The following UGT2A1 variants were observed in gnomAD, a reference collection of about 807,000 sequenced individuals.
UGT2A1 encodes UDP-glucuronosyltransferase 2A1.
UGT2A1 carries 61 observed loss-of-function variants against 45.4 expected under a neutral mutation model. The ratio of observed to expected loss-of-function variants is 1.34; its 90% CI spans 1.09 to 1.66. The LOEUF (loss-of-function observed/expected upper bound fraction) is 1.66, where lower values mean the gene tolerates loss of function less well. Ranked by LOEUF, UGT2A1 falls within the 40% of genes most tolerant of loss-of-function variation. The pLI is 0.00. For synonymous variants in UGT2A1, 229 were observed against 196.2 expected (o/e 1.17, Z -1.40); for missense variants, 649 against 574.3 (o/e 1.13, Z -1.33).
Position 69,615,091 on chromosome 4 carries a change from A to C in UGT2A1, c.848-15697T>G, listed in dbSNP as rs556194731. Among the ~76,000 whole-genome samples, 103 of 152,086 alleles carry C rather than the reference A, an allele frequency of 6.8e-4. 1 individual carries two copies. Among genetic ancestry groups the C allele is most frequent in the African/African-American group, 2.2e-3 (92 of 41,516 alleles). On this transcript the variant is annotated intron_variant, in intron 3 of 6. Transcript: ENST00000286604. ...TCATGATCCAATCACCTTTCAACAG[A>C]TCCCTCCCCCAACATTTTGAATTAC...
At chr4:69,602,069 T>A (rs1455183827) in intron 3 of UGT2A1, among the ~76,000 whole-genome samples, 1 of 137,050 alleles carries the variant, frequency 7.3e-6, no homozygotes, top group Non-Finnish European at 1.6e-5. Context: ...AAAATGATTA[T>A]CTGACTAAAT....
rs1560463089 is a variant in UGT2A1, at chr4:69,589,321, C to T, written c.*51G>A. 4 of 1,516,440 alleles carry T rather than the reference C, an allele frequency of 2.6e-6. No individual in the cohort carries two copies. The highest frequency in any genetic ancestry group is 1.3e-5 in the South Asian group (1 of 75,642). 93.9% of individuals were successfully genotyped at this position (1,516,440 alleles called of 1,614,324 possible). A position where few individuals can be genotyped will look rare whatever the true frequency, so the allele number is the denominator to read the frequency against. On this transcript the variant is annotated 3_prime_UTR_variant, in exon 7 of 7. Coordinates refer to ENST00000286604, the MANE Select transcript of UGT2A1 (RefSeq NM_001252275.3). ...GTCTGGAATTAATAGGACTACACTACTCAGGATTTTGCCAAACTTAAAAAT... is the reference window on the plus strand; with the variant it reads ...GTCTGGAATTAATAGGACTACACTATTCAGGATTTTGCCAAACTTAAAAAT...
intron 2 of UGT2A1, chr4:69,639,360 G>A (rs1721919216): frequency 6.2e-7 from 1 of 1,613,524 alleles, no homozygotes; most frequent in African/African-American, 1.3e-5. Flanking sequence ...CTCAATTAAG[G>A]AATCTATATT....
At chr4:69,649,564 A>G (rs1442572723) in intron 1 of UGT2A1, among the ~76,000 whole-genome samples, 5 of 152,122 alleles carry the variant, frequency 3.3e-5, no homozygotes, top group Non-Finnish European at 5.9e-5. Flanking sequence ...TAGTTAGAAC[A>G]AGGTCCGTTG....
Position 69,599,406 on chromosome 4 carries a change from G to T in UGT2A1, c.848-12C>A. ...CGTAGTGGGTCTTCCTGGAGAAAAT[G>T]TAACAAGTTGGATGGAGGAAATTAG... On this transcript the variant is annotated splice_polypyrimidine_tract_variant and intron_variant, in intron 3 of 6. Transcript: ENST00000286604. 1.2e-6 allele frequency: 2 copies of T among 1,611,516 alleles called. No individual in the cohort carries two copies. Among genetic ancestry groups the T allele is most frequent in the Non-Finnish European group, 1.7e-6 (2 of 1,179,380 alleles).
chr4:69,594,581 G>A lies in UGT2A1; in HGVS notation c.1200C>T (p.Asn400=). 2 of 1,614,128 alleles carry A rather than the reference G, an allele frequency of 1.2e-6. No individual in the cohort carries two copies. The highest frequency in any genetic ancestry group is 1.3e-5 in the African/African-American group (1 of 75,030). The change falls in exon 6 of 7, where the codon AAC becomes AAT. Residue 400 remains asparagine, a synonymous_variant. Coordinates refer to ENST00000286604, the MANE Select transcript of UGT2A1 (RefSeq NM_001252275.3). Reference sequence around the variant, plus strand: ...CTCCTTTGGCCTTCATGTGAGCAATGTTATCAGGCTGATCAGCAAACATGG... The same window carrying A: ...CTCCTTTGGCCTTCATGTGAGCAATATTATCAGGCTGATCAGCAAACATGG... The part of the protein sequence containing the change: ...GVPMFADQPD[N]IAHMKAKGAA...
intron 4 of UGT2A1, among the ~76,000 whole-genome samples, chr4:69,598,574 G>C (rs932643702): frequency 3.3e-5 from 5 of 152,024 alleles, no homozygotes; most frequent in African/African-American, 1.2e-4. Context: ...TGATGAATCT[G>C]AATCTATTTC....
At chr4:69,652,020 T>A (rs971378454) in intron 1 of UGT2A1, among the ~76,000 whole-genome samples, 1 of 152,186 alleles carries the variant, frequency 6.6e-6, no homozygotes, top group African/African-American at 2.4e-5. Context: ...CTTTCTTTCC[T>A]GTTCTAAAGC....
chr4:69,624,982 T>G (rs1720959840), intron 3 of UGT2A1, among the ~76,000 whole-genome samples: 1 of 148,728 alleles, frequency 6.7e-6, no homozygotes, highest in Non-Finnish European at 1.5e-5. Context: ...AGAAGATTAA[T>G]TTTCTTGGTT....
At chr4:69,639,897 A>C (rs1303167485) in intron 2 of UGT2A1, among the ~76,000 whole-genome samples, 2 of 152,058 alleles carry the variant, frequency 1.3e-5, no homozygotes, top group African/African-American at 4.8e-5. Context: ...CTGTGATAAT[A>C]ACTATGATTT....
intron 2 of UGT2A1, among the ~76,000 whole-genome samples, chr4:69,645,175 C>T (rs1578007835): frequency 6.6e-6 from 1 of 151,820 alleles, no homozygotes; most frequent in African/African-American, 2.4e-5. Context: ...CGAATGCACA[C>T]AAATTAATGT....
intron 2 of UGT2A1, chr4:69,638,970 G>A: frequency 6.2e-7 from 1 of 1,613,006 alleles, no homozygotes; most frequent in Non-Finnish European, 8.5e-7. Context: ...CAGAGAATAA[G>A]ATATGGTATT....
rs1355304779 is a variant in UGT2A1 at position 69,604,031 on chromosome 4, G to T, written c.848-4637C>A. On this transcript the variant is annotated intron_variant, in intron 3 of 6. Transcript: ENST00000286604. Reference sequence around the variant, plus strand: ...CAGTAGAACCTCCCCAGTCTAGCAAGGAAGGCCAACGTTCAAACTCAGGAA... The same window carrying T: ...CAGTAGAACCTCCCCAGTCTAGCAATGAAGGCCAACGTTCAAACTCAGGAA... Among the ~76,000 whole-genome samples, 5 of 136,564 alleles carry T rather than the reference G, an allele frequency of 3.7e-5. 1 individual carries two copies. Among genetic ancestry groups the T allele is most frequent in the Admixed American group, 1.4e-4 (2 of 13,812 alleles). 89.6% of individuals were successfully genotyped at this position (136,564 alleles called of 152,430 possible). A position where few individuals can be genotyped will look rare whatever the true frequency, so the allele number is the denominator to read the frequency against.
chr4:69,639,156 G>T, intron 2 of UGT2A1: 4 of 1,613,640 alleles, frequency 2.5e-6, no homozygotes, highest in Non-Finnish European at 3.4e-6. Flanking sequence ...ACCACAGATT[G>T]TTACTGGGTC....
At chr4:69,639,921 TTAATA>T (rs1475606143) in intron 2 of UGT2A1, among the ~76,000 whole-genome samples, 2 of 152,022 alleles carry the variant, frequency 1.3e-5, no homozygotes, top group African/African-American at 4.8e-5. Context: ...AAATACATCT[TTAATA>T]TATTTTTCAC....
At chr4:69,611,927 T>G (rs1720084821) in intron 3 of UGT2A1, among the ~76,000 whole-genome samples, 2 of 152,122 alleles carry the variant, frequency 1.3e-5, no homozygotes, top group Non-Finnish European at 1.5e-5. Context: ...CTCTTACAAA[T>G]AAATTCCATT....
intron 3 of UGT2A1, among the ~76,000 whole-genome samples, chr4:69,634,333 A>G (rs1175906917): frequency 1.3e-5 from 2 of 152,050 alleles, no homozygotes; most frequent in African/African-American, 4.8e-5. Context: ...ATAAGAAGGA[A>G]TTGGAAGGCT....
At chr4:69,639,377 C>T in intron 2 of UGT2A1, 2 of 1,613,598 alleles carry the variant, frequency 1.2e-6, no homozygotes, top group Non-Finnish European at 8.5e-7. Context: ...TATTGCTCTT[C>T]TTGTAGGAAA....
intron 3 of UGT2A1, among the ~76,000 whole-genome samples, chr4:69,609,001 A>C (rs189934786): frequency 1.7e-4 from 26 of 152,176 alleles, no homozygotes; most frequent in South Asian, 1.2e-3. Context: ...ATAAAGAAAA[A>C]TTATAAAGAG....
Sources: gnomAD v4.1 joint callset for allele counts (sites outside exome capture counted in the v4.1 genomes callset) on GRCh38, gnomAD v4.1.1 for gene constraint, MANE v1.5 for transcripts, NCBI Gene and HGNC (gene_info 2026-07-23, HGNC 2026-07-21) for gene names.